Variants in VRK1 observed in about 807,000 individuals in gnomAD.
VRK1 encodes the protein serine/threonine-protein kinase VRK1.
Under a neutral mutation model 57.1 loss-of-function variants are expected in VRK1, and 33 were observed. The ratio of observed to expected loss-of-function variants is 0.58; its 90% CI spans 0.44 to 0.77. The LOEUF is 0.77. Ranked by LOEUF, VRK1 falls within the 30% of genes least tolerant of loss-of-function variation. The pLI is 0.00. For missense variants in VRK1, 413 were observed against 477.3 expected (o/e 0.87, Z 1.25); for synonymous variants, 137 against 147.8 (o/e 0.93, Z 0.53).
Position 96,847,345 on chromosome 14 carries a change from G to T in VRK1, c.374+1G>T. On this transcript the variant is annotated splice_donor_variant, in intron 5 of 12. Transcript: ENST00000216639. LOFTEE classifies it high-confidence loss of function. The stretch of plus-strand genomic sequence containing the variant: ...GTCTACATGACAAAAATGGAAAAAG[G>T]TAAAAATATGTGTGATTTGTCTTTC... 1.2e-6 allele frequency: 2 copies of T among 1,610,536 alleles called. No homozygotes were observed. The highest frequency in any genetic ancestry group is 1.7e-6 in the Non-Finnish European group (2 of 1,176,890).
chr14:96,872,568 G>A (rs959932152), intron 11 of VRK1, among the ~76,000 whole-genome samples: 2 of 152,186 alleles, frequency 1.3e-5, no homozygotes, highest in African/African-American at 4.8e-5. Context: ...GCTTCCTACT[G>A]AAAGCTCACA....
At chr14:96,806,592 A>G (rs1411591211) in intron 1 of VRK1, among the ~76,000 whole-genome samples, 1 of 152,180 alleles carries the variant, frequency 6.6e-6, no homozygotes, top group African/African-American at 2.4e-5. Context: ...GAGCAATTCA[A>G]TTTAGCATCA....
At chr14:96,857,804 C>T (rs1390957801) in intron 10 of VRK1, among the ~76,000 whole-genome samples, 1 of 152,152 alleles carries the variant, frequency 6.6e-6, no homozygotes, top group Non-Finnish European at 1.5e-5. Context: ...TCAATAAATA[C>T]AATGTGGGTT....
At chr14:96,846,313 A>C (rs1338321268) in intron 4 of VRK1, 149 bp downstream of exon 4, 32 of 730,654 alleles carry the variant, frequency 4.4e-5, no homozygotes, top group Non-Finnish European at 6.9e-5. Context: ...GTGTGAAAGA[A>C]TTCTGGTCTT....
At chr14:96,874,186 T>A (rs1449573363) in intron 11 of VRK1, among the ~76,000 whole-genome samples, 2 of 152,188 alleles carry the variant, frequency 1.3e-5, no homozygotes, top group African/African-American at 2.4e-5. Context: ...GAAATATTCC[T>A]CCTTAATTTT....
chr14:96,828,641 TCAG>T (rs1314592609), intron 1 of VRK1, among the ~76,000 whole-genome samples: 1 of 151,720 alleles, frequency 6.6e-6, no homozygotes, highest in Non-Finnish European at 1.5e-5. Context: ...CAAATAGAAT[TCAG>T]CAGCACACTA....
chr14:96,877,406 G>A (rs1889084479), intron 12 of VRK1: 3 of 877,526 alleles, frequency 3.4e-6, no homozygotes, highest in South Asian at 2.8e-5. Flanking sequence ...GAAGGCGAGA[G>A]GTTTTGAAGT....
intron 1 of VRK1, among the ~76,000 whole-genome samples, chr14:96,800,702 GC>G (rs1566679667): frequency 1.3e-5 from 2 of 151,934 alleles, no homozygotes; most frequent in African/African-American, 4.8e-5. Flanking sequence ...TGGGTTTCTT[GC>G]CCATAGGATG....
intron 3 of VRK1, 104 bp downstream of exon 3, chr14:96,837,921 T>G: frequency 1.5e-6 from 1 of 664,552 alleles, no homozygotes; most frequent in Non-Finnish European, 2.3e-6. Context: ...CATAAGATAC[T>G]ACATTTTTAA....
chr14:96,876,047 TG>T lies in VRK1; in HGVS notation c.1087del (p.Glu363LysfsTer64). 6.2e-7 allele frequency: 1 copy of T among 1,613,370 alleles called. No individual in the cohort carries two copies. The highest frequency in any genetic ancestry group is 8.5e-7 in the Non-Finnish European group (1 of 1,179,560). ...TATGTAAGAAGCGAAAGAAAGAAAT[TG>T]AAGAAAGCAAGGAACCTGGTGTTGA... ...TITKKRKKEI[E>X]ESKEPGVEDT... On this transcript the variant is annotated frameshift_variant, in exon 12 of 13. Coordinates refer to ENST00000216639, the MANE Select transcript of VRK1 (RefSeq NM_003384.3). LOFTEE classifies it high-confidence loss of function.
At chr14:96,853,379 AT>A (rs1566708290) in intron 7 of VRK1, among the ~76,000 whole-genome samples, 1 of 152,164 alleles carries the variant, frequency 6.6e-6, no homozygotes, top group Non-Finnish European at 1.5e-5. Context: ...CCTAAATAAT[AT>A]TCAGAAGAAG....
chr14:96,829,334 C>T (rs1169823385), intron 1 of VRK1, among the ~76,000 whole-genome samples: 1 of 151,124 alleles, frequency 6.6e-6, no homozygotes, highest in African/African-American at 2.4e-5. Context: ...TGTTAAGGAA[C>T]CTGGTTTCTT....
chr14:96,846,450 C>T (rs996961830), intron 4 of VRK1, among the ~76,000 whole-genome samples: 1 of 152,064 alleles, frequency 6.6e-6, no homozygotes, highest in Non-Finnish European at 1.5e-5. Flanking sequence ...AACAGGATAT[C>T]AAGGTAGAGA....
intron 1 of VRK1, among the ~76,000 whole-genome samples, chr14:96,817,844 A>G (rs1886453887): frequency 6.6e-6 from 1 of 152,244 alleles, no homozygotes; most frequent in South Asian, 2.1e-4. Context: ...TTTGCTTTAT[A>G]TAAAGAAGCA....
chr14:96,839,548 G>A (rs80211977), intron 3 of VRK1, among the ~76,000 whole-genome samples: 7,132 of 152,206 alleles, frequency 0.047, 187 homozygotes, highest in Non-Finnish European at 0.063. Context: ...ATTACAGTTA[G>A]TATGTAGATG....
intron 1 of VRK1, among the ~76,000 whole-genome samples, chr14:96,802,685 A>G (rs1335322062): frequency 6.6e-6 from 1 of 152,252 alleles, no homozygotes; most frequent in Middle Eastern, 3.2e-3. Flanking sequence ...AGAATTAGAC[A>G]CACAAAAGAA....
At chr14:96,870,023 A>T (rs1253059314) in intron 11 of VRK1, among the ~76,000 whole-genome samples, 2 of 152,248 alleles carry the variant, frequency 1.3e-5, no homozygotes, top group African/African-American at 4.8e-5. Context: ...TAGTTTTCAA[A>T]ATCTTACATT....
At position 96,847,276 on chromosome 14, in the gene VRK1, C is replaced by G. The variant is rs1326352230; in HGVS notation, c.306C>G (p.Thr102=). 6.8e-6 allele frequency: 11 copies of G among 1,613,518 alleles called. No individual in the cohort carries two copies. Among genetic ancestry groups the G allele is most frequent in the Non-Finnish European group, 9.3e-6 (11 of 1,179,660 alleles). The part of the protein sequence containing the change: ...KPEQIQKWIR[T]RKLKYLGVPK... ...TTGTAGTTCAGAAATGGATTCGTAC[C>G]CGTAAGCTGAAGTACCTGGGTGTTC... The change falls in exon 5 of 13, where the codon ACC becomes ACG. Residue 102 remains threonine, a synonymous_variant. Transcript: ENST00000216639.
intron 7 of VRK1, among the ~76,000 whole-genome samples, chr14:96,854,956 A>G (rs986698671): frequency 1.3e-5 from 2 of 149,164 alleles, no homozygotes; most frequent in Admixed American, 6.6e-5. Context: ...TTACAAGTAT[A>G]ACATATACTT....
Sources: gnomAD v4.1 joint callset for allele counts (sites outside exome capture counted in the v4.1 genomes callset) on GRCh38, gnomAD v4.1.1 for gene constraint, MANE v1.5 for transcripts, NCBI Gene and HGNC (gene_info 2026-07-23, HGNC 2026-07-21) for gene names.